GTF2F2: variants seen among roughly 807,000 people sequenced by gnomAD.
GTF2F2 encodes the protein ATP-dependent helicase GTF2F2.
Under a neutral mutation model 42.2 loss-of-function variants are expected in GTF2F2, and 23 were observed. That is an observed-to-expected ratio of 0.55 (90% CI 0.39 to 0.77). GTF2F2 has a LOEUF of 0.77. Ranked by LOEUF, GTF2F2 falls within the 30% of genes least tolerant of loss-of-function variation. The probability of loss-of-function intolerance (pLI) is 0.00; values close to 1 mark genes in which losing one functional copy is unlikely to be tolerated. For synonymous variants in GTF2F2, 105 were observed against 100.8 expected (o/e 1.04, Z -0.25); for missense variants, 261 against 287.2 (o/e 0.91, Z 0.66).
At chr13:45,214,958 TTCCAGTG>T (rs1873828253) in intron 5 of GTF2F2, among the ~76,000 whole-genome samples, 1 of 150,316 alleles carries the variant, frequency 6.7e-6, no homozygotes, top group African/African-American at 2.5e-5. Flanking sequence ...TTTATTTTTA[TTCCAGTG>T]TTTGTGGATT....
intron 5 of GTF2F2, among the ~76,000 whole-genome samples, chr13:45,210,684 G>A (rs900059546): frequency 6.6e-6 from 1 of 152,060 alleles, no homozygotes; most frequent in Non-Finnish European, 1.5e-5. Context: ...ATTCCACATA[G>A]TAGCTAGTCA....
At chr13:45,227,371 T>G (rs1157573894) in intron 5 of GTF2F2, among the ~76,000 whole-genome samples, 1 of 152,232 alleles carries the variant, frequency 6.6e-6, no homozygotes, top group Non-Finnish European at 1.5e-5. Flanking sequence ...ATATTCTGCT[T>G]CAGTTTATCC....
At chr13:45,265,876 A>G (rs1177314828) in intron 6 of GTF2F2, among the ~76,000 whole-genome samples, 1 of 152,196 alleles carries the variant, frequency 6.6e-6, no homozygotes, top group Non-Finnish European at 1.5e-5. Flanking sequence ...CCCACAGGAC[A>G]TTCTTCTCTG....
chr13:45,128,340 C>T lies in GTF2F2; in HGVS notation c.66+7619C>T, dbSNP rs529014140. Among the ~76,000 whole-genome samples, 598 of 149,082 alleles carry T rather than the reference C, an allele frequency of 4.0e-3. 8 individuals carry two copies. The highest frequency in any genetic ancestry group is 0.014 in the African/African-American group (574 of 41,024). On this transcript the variant is annotated intron_variant, in intron 1 of 7. Transcript: ENST00000340473. The stretch of plus-strand genomic sequence containing the variant: ...CTGTAATTGCAGCACTTTGGGAGGC[C>T]GAGGCGGGCAGATCACGAGGTCAGG...
intron 4 of GTF2F2, among the ~76,000 whole-genome samples, chr13:45,153,930 T>C (rs1324633322): frequency 6.2e-5 from 9 of 145,348 alleles, no homozygotes; most frequent in East Asian, 4.0e-4. Context: ...TGAGCCAAGA[T>C]TGCACCACTG....
Position 45,120,697 on chromosome 13 carries a change from G to T in GTF2F2, c.42G>T (p.Gln14His), listed in dbSNP as rs1868579158. ...RGELDLTGAK[Q>H]NTGVWLVKVP... ...AACTCGACTTGACCGGCGCCAAACA[G>T]AACACAGGAGTGTGGCTAGTCAAGG... The change falls in exon 1 of 8, where the codon CAG becomes CAT. Residue 14 changes from glutamine to histidine, a missense_variant. Transcript: ENST00000340473. 6.4e-7 allele frequency: 1 copy of T among 1,561,254 alleles called. No homozygotes were observed. The highest frequency in any genetic ancestry group is 8.7e-7 in the Non-Finnish European group (1 of 1,151,572).
At position 45,131,190 on chromosome 13, in the gene GTF2F2, A is replaced by G. The variant is rs900930039; in HGVS notation, c.67-5543A>G. ...GCCATTGCACTCCAGCCTGGGCAAC[A>G]AGAGTGAAACTCAGTCTCAGAAAAA... On this transcript the variant is annotated intron_variant, in intron 1 of 7. Coordinates refer to ENST00000340473, the MANE Select transcript of GTF2F2 (RefSeq NM_004128.3). Among the ~76,000 whole-genome samples the G allele has an allele frequency of 1.4e-4, 22 of 152,018 alleles. No homozygotes were observed. In the South Asian group the frequency reaches 2.1e-3, roughly 14 times the overall value.
At chr13:45,175,679 A>T (rs958215673) in intron 4 of GTF2F2, among the ~76,000 whole-genome samples, 4 of 152,072 alleles carry the variant, frequency 2.6e-5, no homozygotes, top group Admixed American at 1.3e-4. Context: ...CTGAAGTGCA[A>T]TGGCACTATC....
chr13:45,149,084 A>G (rs1030117763), intron 2 of GTF2F2, among the ~76,000 whole-genome samples: 1 of 152,124 alleles, frequency 6.6e-6, no homozygotes, highest in African/African-American at 2.4e-5. Context: ...GAAGTACTGT[A>G]TAGATCTGGT....
Position 45,220,295 on chromosome 13 carries a change from T to C in GTF2F2, c.386+12790T>C, listed in dbSNP as rs114651542. ...GCTTCAGAGTGCCATTTATTACTCA[T>C]TTGTTTAACAGATGTTTACTGAGCA... On this transcript the variant is annotated intron_variant, in intron 5 of 7. Transcript: ENST00000340473. 1.8e-3 allele frequency among the ~76,000 whole-genome samples: 278 copies of C among 152,344 alleles called. 1 individual carries two copies. The highest frequency in any genetic ancestry group is 6.3e-3 in the African/African-American group (261 of 41,586).
chr13:45,212,023 A>G (rs1873670267), intron 5 of GTF2F2, among the ~76,000 whole-genome samples: 1 of 152,098 alleles, frequency 6.6e-6, no homozygotes, highest in South Asian at 2.1e-4. Flanking sequence ...CAGTTACCCT[A>G]CTACCTAAAG....
chr13:45,191,598 T>C (rs1033593159), intron 4 of GTF2F2, among the ~76,000 whole-genome samples: 1 of 152,116 alleles, frequency 6.6e-6, no homozygotes, highest in Non-Finnish European at 1.5e-5. Context: ...ATTTTCTGTA[T>C]ACTTAGAGCA....
At chr13:45,195,682 A>G (rs1163095218) in intron 4 of GTF2F2, among the ~76,000 whole-genome samples, 1 of 152,160 alleles carries the variant, frequency 6.6e-6, no homozygotes, top group East Asian at 1.9e-4. Flanking sequence ...TTCCAAAGCA[A>G]TTTAGGGTTC....
chr13:45,153,220 G>GT (rs1293038897), intron 4 of GTF2F2, among the ~76,000 whole-genome samples: 1 of 150,364 alleles, frequency 6.7e-6, no homozygotes, highest in East Asian at 2.0e-4. Context: ...GGGTTTCACC[G>GT]TGTTAGCCAG....
chr13:45,192,680 G>A (rs529022937), intron 4 of GTF2F2, among the ~76,000 whole-genome samples: 3 of 152,126 alleles, frequency 2.0e-5, no homozygotes, highest in Admixed American at 6.5e-5. Flanking sequence ...TACATAAAAC[G>A]TAATTTTTAA....
chr13:45,156,660 A>C (rs949454819), intron 4 of GTF2F2, among the ~76,000 whole-genome samples: 1 of 152,126 alleles, frequency 6.6e-6, no homozygotes, highest in Non-Finnish European at 1.5e-5. Flanking sequence ...GCTTTTGGTG[A>C]TGAATCGGCT....
At chr13:45,223,968 T>C (rs1372737464) in intron 5 of GTF2F2, among the ~76,000 whole-genome samples, 2 of 152,200 alleles carry the variant, frequency 1.3e-5, no homozygotes, top group Admixed American at 1.3e-4. Flanking sequence ...AACTTAAAAT[T>C]TTTAGTTCAC....
At chr13:45,152,924 G>A (rs1343458791) in intron 4 of GTF2F2, among the ~76,000 whole-genome samples, 1 of 151,754 alleles carries the variant, frequency 6.6e-6, no homozygotes, top group Admixed American at 6.6e-5. Context: ...TGATTTTGTT[G>A]TATTTCATCA....
At chr13:45,136,363 A>C (rs1467948350) in intron 1 of GTF2F2, among the ~76,000 whole-genome samples, 1 of 152,218 alleles carries the variant, frequency 6.6e-6, no homozygotes, top group East Asian at 1.9e-4. Flanking sequence ...AAATAATCGT[A>C]AGCCCAGTGG....
Sources: allele counts gnomAD v4.1 joint callset (sites outside exome capture counted in the v4.1 genomes callset), GRCh38; gene constraint gnomAD v4.1.1; transcripts MANE v1.5; gene names NCBI Gene and HGNC (gene_info 2026-07-23, HGNC 2026-07-21).